The following SLC12A8 variants were observed in gnomAD, a reference collection of about 807,000 sequenced individuals.
The protein encoded by SLC12A8 is cation-chloride cotransporter 9.
Under a neutral mutation model 75.6 loss-of-function variants are expected in SLC12A8, and 69 were observed. The ratio of observed to expected loss-of-function variants is 0.91; its 90% confidence interval spans 0.75 to 1.11. The LOEUF (loss-of-function observed/expected upper bound fraction) is 1.11, where lower values mean the gene tolerates loss of function less well. Among genes scored for constraint, SLC12A8 ranks in the 50% most tolerant of loss-of-function variants. SLC12A8 has a pLI of 0.00. For synonymous variants in SLC12A8, 365 were observed against 372.8 expected (o/e 0.98, Z 0.24); for missense variants, 877 against 896.7 (o/e 0.98, Z 0.28).
At chr3:125,151,591 G>A (rs1425410791) in intron 5 of SLC12A8, 1 of 152,390 alleles carries the variant, frequency 6.6e-6, no homozygotes, top group Non-Finnish European at 1.5e-5. Flanking sequence ...AAATGCTGAA[G>A]GGGCAGCCCT....
intron 6 of SLC12A8, among the ~76,000 whole-genome samples, chr3:125,130,603 AAAG>A (rs375711088): frequency 0.38 from 57,313 of 148,896 alleles, 11,988 homozygotes; most frequent in Non-Finnish European, 0.45. Flanking sequence ...AAAAAAAGAA[AAAG>A]AAAAAGAAAA....
chr3:125,137,547 G>C (rs1211195298), intron 5 of SLC12A8, among the ~76,000 whole-genome samples: 1 of 151,988 alleles, frequency 6.6e-6, no homozygotes, highest in Non-Finnish European at 1.5e-5. Context: ...CTGGACTAAT[G>C]TGCAGGTCGG....
At chr3:125,199,872 T>G (rs1935087217) in intron 2 of SLC12A8, among the ~76,000 whole-genome samples, 1 of 150,362 alleles carries the variant, frequency 6.7e-6, no homozygotes, top group Admixed American at 6.6e-5. Context: ...AAAATGGAAA[T>G]GAAATGAGAG....
chr3:125,143,828 G>A (rs561929947), intron 5 of SLC12A8, among the ~76,000 whole-genome samples: 1 of 152,308 alleles, frequency 6.6e-6, no homozygotes, highest in Non-Finnish European at 1.5e-5. Context: ...GAGGGAAGGG[G>A]CTGAAAGTGT....
chr3:125,196,804 C>T (rs916982154), intron 2 of SLC12A8, among the ~76,000 whole-genome samples: 1 of 152,186 alleles, frequency 6.6e-6, no homozygotes, highest in African/African-American at 2.4e-5. Flanking sequence ...TGGTGCATGC[C>T]TGTAGTCCTA....
chr3:125,190,538 C>T lies in SLC12A8; in HGVS notation c.52-17G>A, dbSNP rs746081448. The T allele has an allele frequency of 6.2e-7, 1 of 1,612,868 alleles. No homozygotes were observed. The highest frequency in any genetic ancestry group is 1.3e-5 in the African/African-American group (1 of 75,044). On this transcript the variant is annotated splice_polypyrimidine_tract_variant and intron_variant, in intron 2 of 13. Coordinates refer to ENST00000469902, the MANE Select transcript of SLC12A8 (RefSeq NM_024628.6). ...CAGGGCATCCTGCAAACAGAACACA[C>T]AGAAATCAGCTGAGGGGCCATTGGG...
Position 125,083,073 on chromosome 3 carries a change from G to C in SLC12A8, c.*817C>G, listed in dbSNP as rs530876782. The C allele has an allele frequency of 2.0e-5, 3 of 152,296 alleles. No homozygotes were observed. The highest frequency in any genetic ancestry group is 6.5e-5 in the Admixed American group (1 of 15,306). The allele number at this position is 152,296 out of a possible 1,614,324, so 9.4% of individuals were successfully genotyped here. On this transcript the variant is annotated 3_prime_UTR_variant, in exon 14 of 14. Transcript: ENST00000469902. ...TGCTGGATGTACGGATGAGAATAGT[G>C]GTTACCTCTAGGCCAGGGTAGACAG...
chr3:125,199,896 T>C (rs1579543725), intron 2 of SLC12A8, among the ~76,000 whole-genome samples: 1 of 151,354 alleles, frequency 6.6e-6, no homozygotes, highest in East Asian at 1.9e-4. Context: ...TGGAAGGAAG[T>C]GTATGTGTGC....
At chr3:125,140,301 C>T (rs1204399965) in intron 5 of SLC12A8, among the ~76,000 whole-genome samples, 2 of 152,200 alleles carry the variant, frequency 1.3e-5, no homozygotes, top group Non-Finnish European at 2.9e-5. Context: ...ACTGAGGACA[C>T]TGAGGCTCCG....
chr3:125,130,324 C>T (rs978927848), intron 6 of SLC12A8, among the ~76,000 whole-genome samples: 3 of 152,044 alleles, frequency 2.0e-5, no homozygotes, highest in Non-Finnish European at 2.9e-5. Flanking sequence ...GTGGCTCATG[C>T]CTCTAATCCC....
At chr3:125,088,419 C>T (rs750502946) in intron 12 of SLC12A8, 49 bp from the exon 13 acceptor site, 2 of 1,551,744 alleles carry the variant, frequency 1.3e-6, no homozygotes, top group Admixed American at 3.4e-5. Context: ...CTACATAAGG[C>T]ATCTAGAAGC....
chr3:125,107,980 G>C lies in SLC12A8; in HGVS notation c.1206C>G (p.Tyr402Ter), dbSNP rs556039434. The part of the protein sequence containing the change: ...MLTYVAVDYS[Y>*]FSLSMCSCSL... ...TGCAGGAACACATGGACAGGGAGAAGTAAGAGTAGTCCACTGCAACGTATG... is the reference window on the plus strand; with the variant it reads ...TGCAGGAACACATGGACAGGGAGAACTAAGAGTAGTCCACTGCAACGTATG... Residue 402 changes from tyrosine (Y) to a stop codon, truncating the protein, a stop_gained, in exon 10 of 14, where the codon TAC becomes TAG. Coordinates refer to ENST00000469902, the MANE Select transcript of SLC12A8 (RefSeq NM_024628.6). LOFTEE classifies it high-confidence loss of function. 1 of 1,614,202 alleles carries C rather than the reference G, an allele frequency of 6.2e-7. No homozygotes were observed. The highest frequency in any genetic ancestry group is 2.2e-5 in the East Asian group (1 of 44,890).
At chr3:125,211,563 C>T (rs1251511272) in intron 1 of SLC12A8, among the ~76,000 whole-genome samples, 169 bp from the exon 2 acceptor site, 1 of 152,188 alleles carries the variant, frequency 6.6e-6, no homozygotes, top group Non-Finnish European at 1.5e-5. Flanking sequence ...TTTTGGTACC[C>T]AGGTAGATCC....
chr3:125,121,171 C>G (rs146211695), intron 6 of SLC12A8, among the ~76,000 whole-genome samples: 1 of 152,304 alleles, frequency 6.6e-6, no homozygotes, highest in East Asian at 1.9e-4. Context: ...TACCAAAGGG[C>G]TTGAAATAAA....
chr3:125,204,245 G>C (rs372867534), intron 2 of SLC12A8, among the ~76,000 whole-genome samples: 1 of 152,156 alleles, frequency 6.6e-6, no homozygotes, highest in African/African-American at 2.4e-5. Flanking sequence ...CTTATCCAAA[G>C]GAAAGGAAAT....
intron 10 of SLC12A8, among the ~76,000 whole-genome samples, chr3:125,098,991 C>T (rs1938792358): frequency 6.6e-6 from 1 of 152,192 alleles, no homozygotes; most frequent in South Asian, 2.1e-4. Flanking sequence ...ACTAGATAAC[C>T]TCCCCACATT....
chr3:125,201,853 T>C (rs1422276889), intron 2 of SLC12A8, among the ~76,000 whole-genome samples: 1 of 152,202 alleles, frequency 6.6e-6, no homozygotes, highest in Non-Finnish European at 1.5e-5. Flanking sequence ...TTGATAATTA[T>C]TGAAGAGCAA....
chr3:125,187,151 GCTTCTCCCC>G, intron 4 of SLC12A8, 77 bp downstream of exon 4: 1 of 1,385,044 alleles, frequency 7.2e-7, no homozygotes, highest in Non-Finnish European at 1.0e-6. Flanking sequence ...CCCCACCCTC[GCTTCTCCCC>G]AGGTCAAGTG....
At chr3:125,129,192 C>T (rs1933292818) in intron 6 of SLC12A8, among the ~76,000 whole-genome samples, 1 of 152,224 alleles carries the variant, frequency 6.6e-6, no homozygotes, top group Admixed American at 6.5e-5. Flanking sequence ...GGTTACAGGA[C>T]TTCACATGAC....
Sources: allele counts gnomAD v4.1 joint callset (sites outside exome capture counted in the v4.1 genomes callset), GRCh38; gene constraint gnomAD v4.1.1; transcripts MANE v1.5; gene names NCBI Gene and HGNC (gene_info 2026-07-23, HGNC 2026-07-21).